The following SLC16A7 variants were observed in gnomAD, a reference collection of about 807,000 sequenced individuals.
SLC16A7 encodes the protein solute carrier family 16 member 7, also known as monocarboxylate transporter 2.
A neutral mutation model predicts 34.9 loss-of-function variants in SLC16A7; 33 were observed. That is an observed-to-expected ratio of 0.94 (90% CI 0.72 to 1.26). The LOEUF is 1.26. SLC16A7 is among the 50% of genes most tolerant of loss of function. The pLI is 0.00. For missense variants in SLC16A7, 573 were observed against 578.1 expected (o/e 0.99, Z 0.09); for synonymous variants, 201 against 206.6 (o/e 0.97, Z 0.23).
chr12:59,636,229 C>T (rs1880420533), intron 1 of SLC16A7, among the ~76,000 whole-genome samples: 1 of 152,118 alleles, frequency 6.6e-6, no homozygotes. Context: ...CTTTCTGTTT[C>T]CCTCAGATGA....
At chr12:59,756,442 C>T (rs12228558) in intron 3 of SLC16A7, among the ~76,000 whole-genome samples, 16,653 of 148,658 alleles carry the variant, frequency 0.11, 1,244 homozygotes, top group African/African-American at 0.2. Flanking sequence ...AAAAAGTGGA[C>T]GAAGGACATG....
chr12:59,754,355 G>T (rs1291155075), intron 3 of SLC16A7, among the ~76,000 whole-genome samples: 2 of 152,092 alleles, frequency 1.3e-5, no homozygotes, highest in South Asian at 4.1e-4. Context: ...TTGATAGACT[G>T]CTAGCAAGAC....
intron 2 of SLC16A7, among the ~76,000 whole-genome samples, chr12:59,698,755 C>T (rs986180970): frequency 2.0e-5 from 3 of 151,710 alleles, no homozygotes; most frequent in African/African-American, 7.2e-5. Context: ...ATGGAGTACT[C>T]TGTAGAAATG....
At chr12:59,670,749 G>A (rs989839818) in intron 2 of SLC16A7, among the ~76,000 whole-genome samples, 6 of 152,256 alleles carry the variant, frequency 3.9e-5, no homozygotes, top group Admixed American at 3.3e-4. Flanking sequence ...CAACCTAGTG[G>A]GACAAATTCC....
At chr12:59,659,046 T>C (rs1055527969) in intron 2 of SLC16A7, among the ~76,000 whole-genome samples, 9 of 152,046 alleles carry the variant, frequency 5.9e-5, no homozygotes, top group Admixed American at 5.9e-4. Context: ...AGCAGATGCC[T>C]AGAGTAGGTA....
At chr12:59,635,499 A>C (rs184577169) in intron 1 of SLC16A7, among the ~76,000 whole-genome samples, 1 of 152,236 alleles carries the variant, frequency 6.6e-6, no homozygotes, top group East Asian at 1.9e-4. Context: ...AATATCCTTT[A>C]CTTTACTAAT....
At chr12:59,706,502 G>A (rs562247987) in intron 3 of SLC16A7, among the ~76,000 whole-genome samples, 2 of 152,122 alleles carry the variant, frequency 1.3e-5, no homozygotes, top group South Asian at 4.2e-4. Context: ...TTTTCTTCCA[G>A]TATCAAAAGG....
intron 1 of SLC16A7, among the ~76,000 whole-genome samples, chr12:59,624,067 C>A (rs1020237954): frequency 2.0e-5 from 3 of 151,308 alleles, no homozygotes; most frequent in African/African-American, 7.3e-5. Context: ...TAATCATCAT[C>A]TTTAGGTTGT....
intron 2 of SLC16A7, among the ~76,000 whole-genome samples, chr12:59,704,219 G>GAAAAA (rs1565659929): frequency 2.9e-4 from 33 of 114,452 alleles, no homozygotes; most frequent in South Asian, 2.8e-3. Flanking sequence ...AAAAAAAAAA[G>GAAAAA]AAAAAGAAAA....
chr12:59,669,680 A>ACACACACACACACACT (rs1869513573), intron 2 of SLC16A7, among the ~76,000 whole-genome samples: 1 of 151,750 alleles, frequency 6.6e-6, no homozygotes, highest in Admixed American at 6.6e-5. Context: ...ACACACACAC[A>ACACACACACACACACT]CACACGATTT....
At chr12:59,717,471 T>C (rs779510449) in intron 3 of SLC16A7, among the ~76,000 whole-genome samples, 9 of 152,242 alleles carry the variant, frequency 5.9e-5, no homozygotes, top group Non-Finnish European at 1.3e-4. Context: ...TAAGTCCTTC[T>C]CATGAACACT....
intron 3 of SLC16A7, among the ~76,000 whole-genome samples, chr12:59,755,085 T>G (rs544432296): frequency 2.0e-5 from 3 of 152,130 alleles, no homozygotes; most frequent in Non-Finnish European, 4.4e-5. Flanking sequence ...TCTCAATAAA[T>G]TAGGTATTGA....
chr12:59,609,506 G>A lies in SLC16A7; in HGVS notation c.-130+13270G>A, dbSNP rs112652605. Among the ~76,000 whole-genome samples, 1,396 of 149,372 alleles carry A rather than the reference G, an allele frequency of 9.3e-3. 24 individuals carry two copies. Among genetic ancestry groups the A allele is most frequent in the African/African-American group, 0.031 (1,260 of 40,790 alleles). On this transcript the variant is annotated intron_variant, in intron 1 of 5. Coordinates refer to ENST00000547379, the MANE Select transcript of SLC16A7 (RefSeq NM_001270623.2). Reference sequence around the variant, plus strand: ...AGACATAGAAGATTGAGAGATGTGGGTCGGGGGGCATAGGTAGATAGGGGG... The same window carrying A: ...AGACATAGAAGATTGAGAGATGTGGATCGGGGGGCATAGGTAGATAGGGGG...
At chr12:59,765,859 A>G (rs1460043345) in intron 3 of SLC16A7, among the ~76,000 whole-genome samples, 4 of 152,112 alleles carry the variant, frequency 2.6e-5, no homozygotes, top group Admixed American at 6.6e-5. Flanking sequence ...GTTTTTTCCA[A>G]TTCTGTGAAG....
intron 3 of SLC16A7, among the ~76,000 whole-genome samples, chr12:59,764,818 C>T (rs1161527853): frequency 6.6e-6 from 1 of 152,066 alleles, no homozygotes; most frequent in Non-Finnish European, 1.5e-5. Flanking sequence ...TTTATAGCAG[C>T]ATGATTTATA....
chr12:59,737,471 A>G (rs1877733171), intron 3 of SLC16A7, among the ~76,000 whole-genome samples: 1 of 152,204 alleles, frequency 6.6e-6, no homozygotes, highest in Admixed American at 6.5e-5. Context: ...CTCTTGAAAC[A>G]TCATTAAATA....
chr12:59,761,104 A>G, intron 3 of SLC16A7: 1 of 1,202,242 alleles, frequency 8.3e-7, no homozygotes, highest in Admixed American at 2.4e-5. Flanking sequence ...AAGTTACTGC[A>G]AAATGTACTT....
chr12:59,651,245 C>T (rs1868337685), intron 1 of SLC16A7, among the ~76,000 whole-genome samples: 1 of 152,126 alleles, frequency 6.6e-6, no homozygotes, highest in Non-Finnish European at 1.5e-5. Context: ...ATGAATGTCT[C>T]TATAACAAAG....
At chr12:59,625,905 A>C (rs935232172) in intron 1 of SLC16A7, among the ~76,000 whole-genome samples, 2 of 151,848 alleles carry the variant, frequency 1.3e-5, no homozygotes, top group African/African-American at 4.8e-5. Context: ...AATTCCCTTT[A>C]TATAAAAATA....
Sources: allele counts gnomAD v4.1 joint callset (sites outside exome capture counted in the v4.1 genomes callset), GRCh38; gene constraint gnomAD v4.1.1; transcripts MANE v1.5; gene names NCBI Gene and HGNC (gene_info 2026-07-23, HGNC 2026-07-21).